Variants in PARD3 observed in about 807,000 individuals in gnomAD.
PARD3 encodes partitioning defective 3 homolog.
In PARD3, 75 loss-of-function variants were observed where a neutral mutation model predicts 155.4. That is an observed-to-expected ratio of 0.48 (90% CI 0.40 to 0.58). PARD3 has a LOEUF of 0.58. Ranked by LOEUF, PARD3 falls within the 20% of genes least tolerant of loss-of-function variation. The pLI, the probability that PARD3 is intolerant of heterozygous loss-of-function variation, is 0.00. For missense variants in PARD3, 1,642 were observed against 1,721.7 expected (o/e 0.95, Z 0.82); for synonymous variants, 576 against 610.5 (o/e 0.94, Z 0.83).
At chr10:34,709,524 A>C (rs1379570280) in intron 1 of PARD3, among the ~76,000 whole-genome samples, 1 of 152,244 alleles carries the variant, frequency 6.6e-6, no homozygotes, top group African/African-American at 2.4e-5. Context: ...ATTTGTAAGA[A>C]GAGTCGTGAC....
At chr10:34,203,172 A>AAGAG (rs777650179) in intron 22 of PARD3, among the ~76,000 whole-genome samples, 3 of 151,310 alleles carry the variant, frequency 2.0e-5, no homozygotes, top group African/African-American at 7.3e-5. Flanking sequence ...GGTACACTGC[A>AAGAG]AGAGAGAGAG....
At chr10:34,128,981 G>A (rs558029253) in intron 23 of PARD3, among the ~76,000 whole-genome samples, 1 of 152,268 alleles carries the variant, frequency 6.6e-6, no homozygotes, top group Non-Finnish European at 1.5e-5. Flanking sequence ...TGATGCTAAA[G>A]GTGCTGTTCT....
chr10:34,183,174 C>G (rs1950340802), intron 22 of PARD3, among the ~76,000 whole-genome samples: 1 of 152,190 alleles, frequency 6.6e-6, no homozygotes, highest in Non-Finnish European at 1.5e-5. Context: ...ATGAATGAAT[C>G]TCTGAACTGA....
At chr10:34,274,216 G>A (rs778748714) in intron 21 of PARD3, among the ~76,000 whole-genome samples, 10 of 152,136 alleles carry the variant, frequency 6.6e-5, no homozygotes, top group Non-Finnish European at 1.5e-4. Context: ...AAGAGAAACA[G>A]CAACTCAAAT....
chr10:34,168,245 C>T (rs1308493643), intron 22 of PARD3, among the ~76,000 whole-genome samples: 1 of 152,108 alleles, frequency 6.6e-6, no homozygotes, highest in Non-Finnish European at 1.5e-5. Flanking sequence ...CATGAAGTTT[C>T]AGAAACAGTT....
At chr10:34,277,263 A>C (rs1955931740) in intron 21 of PARD3, among the ~76,000 whole-genome samples, 1 of 152,170 alleles carries the variant, frequency 6.6e-6, no homozygotes, top group Admixed American at 6.5e-5. Context: ...TTAGTCCACC[A>C]TGGAAGGCTT....
chr10:34,474,311 T>C (rs1216465296), intron 3 of PARD3, among the ~76,000 whole-genome samples: 1 of 152,106 alleles, frequency 6.6e-6, no homozygotes, highest in African/African-American at 2.4e-5. Flanking sequence ...TCCAAATAAA[T>C]AGACCCCGGG....
chr10:34,603,466 T>C (rs190948677), intron 2 of PARD3, among the ~76,000 whole-genome samples: 3 of 152,184 alleles, frequency 2.0e-5, no homozygotes, highest in Admixed American at 1.3e-4. Flanking sequence ...TCCAAAATAA[T>C]GTGAAGAGGA....
chr10:34,198,217 G>A (rs1020575165), intron 22 of PARD3, among the ~76,000 whole-genome samples: 2 of 151,520 alleles, frequency 1.3e-5, no homozygotes, highest in African/African-American at 4.8e-5. Flanking sequence ...TTGATCTTAA[G>A]GAACCATATT....
At chr10:34,295,963 C>T (rs543364502) in intron 20 of PARD3, among the ~76,000 whole-genome samples, 15 of 152,182 alleles carry the variant, frequency 9.9e-5, no homozygotes, top group South Asian at 8.3e-4. Flanking sequence ...ATGTGAAGAA[C>T]GCGGAAAGAA....
chr10:34,575,282 ATAAT>A (rs2086792316), intron 2 of PARD3, among the ~76,000 whole-genome samples: 1 of 152,234 alleles, frequency 6.6e-6, no homozygotes, highest in African/African-American at 2.4e-5. Context: ...TGCATTATTC[ATAAT>A]TAAGACCAGT....
At chr10:34,769,340 C>T (rs1229612208) in intron 1 of PARD3, among the ~76,000 whole-genome samples, 2 of 152,222 alleles carry the variant, frequency 1.3e-5, no homozygotes, top group Non-Finnish European at 2.9e-5. Context: ...ACTTAAAATA[C>T]TGCCTCCAAA....
chr10:34,370,563 G>A (rs1399162793), intron 12 of PARD3, among the ~76,000 whole-genome samples: 1 of 152,038 alleles, frequency 6.6e-6, no homozygotes, highest in Admixed American at 6.6e-5. Flanking sequence ...CACTGCACCT[G>A]GCCCTGACTA....
At chr10:34,249,921 G>A (rs1954191464) in intron 22 of PARD3, among the ~76,000 whole-genome samples, 1 of 152,190 alleles carries the variant, frequency 6.6e-6, no homozygotes, top group Non-Finnish European at 1.5e-5. Flanking sequence ...AGCAACTAGA[G>A]AAATATTTTG....
chr10:34,665,802 C>CA (rs1456745838), intron 2 of PARD3, among the ~76,000 whole-genome samples: 1 of 148,148 alleles, frequency 6.8e-6, no homozygotes, highest in Non-Finnish European at 1.5e-5. Context: ...GGCGCCACTG[C>CA]ACTCCAGCCT....
intron 1 of PARD3, among the ~76,000 whole-genome samples, chr10:34,721,498 C>A (rs112808919): frequency 6.6e-6 from 1 of 152,320 alleles, no homozygotes; most frequent in Admixed American, 6.5e-5. Context: ...CCATAGCCAG[C>A]GAAAAGGCAA....
At chr10:34,305,162 A>AATG (rs1366906786) in intron 20 of PARD3, among the ~76,000 whole-genome samples, 1 of 152,218 alleles carries the variant, frequency 6.6e-6, no homozygotes, top group African/African-American at 2.4e-5. Flanking sequence ...TTATAAAAGA[A>AATG]ATGGAAGGCA....
In PARD3 at chr10:34,384,211, C is replaced by T; in HGVS notation, c.934G>A (p.Ala312Thr). The change falls in exon 8 of 25, where the codon GCT (alanine) becomes ACT (threonine). Residue 312 changes from alanine (A) to threonine (T), a missense_variant. This residue lies in a region of PARD3 where 1,529 missense variants were observed against 1,587.3 expected (regional missense o/e 0.96). Transcript: ENST00000374788. ...LVKRLEKGGK[A>T]EHENLFREND... Reference sequence around the variant, plus strand: ...TCACGAAAAAGATTTTCATGTTCAGCTTTACCACCTTTCTCCAATCGTTTT... The same window carrying T: ...TCACGAAAAAGATTTTCATGTTCAGTTTTACCACCTTTCTCCAATCGTTTT... 6.2e-7 allele frequency: 1 copy of T among 1,613,708 alleles called. No individual in the cohort carries two copies. The highest frequency in any genetic ancestry group is 8.5e-7 in the Non-Finnish European group (1 of 1,179,768).
chr10:34,796,957 C>T (rs750092909), intron 1 of PARD3, among the ~76,000 whole-genome samples: 9 of 152,174 alleles, frequency 5.9e-5, no homozygotes, highest in Non-Finnish European at 1.2e-4. Context: ...TGCACTCCAG[C>T]CTGGATGGCA....
Sources: gnomAD v4.1 joint callset for allele counts (sites outside exome capture counted in the v4.1 genomes callset) on GRCh38, gnomAD v4.1.1 for gene constraint, gnomAD v4.1.1 regional missense constraint, MANE v1.5 for transcripts, NCBI Gene and HGNC (gene_info 2026-07-23, HGNC 2026-07-21) for gene names.